CORIN: variants seen among roughly 807,000 people sequenced by gnomAD.
CORIN encodes corin, serine peptidase, also known as atrial natriuretic peptide-converting enzyme.
Under a neutral mutation model 125.3 loss-of-function variants are expected in CORIN, and 117 were observed. The ratio of observed to expected loss-of-function variants is 0.93; its 90% confidence interval spans 0.80 to 1.09. CORIN has a LOEUF of 1.09. Ranked by LOEUF, CORIN falls within the 50% of genes least tolerant of loss-of-function variation. CORIN has a pLI of 0.00. For synonymous variants in CORIN, 450 were observed against 466.4 expected, an observed-to-expected ratio of 0.96 and a Z score of 0.45; for missense variants, 1,253 against 1,306.7, an observed-to-expected ratio of 0.96 and a Z score of 0.63.
chr4:47,651,939 A>C (rs1723748558), intron 13 of CORIN, among the ~76,000 whole-genome samples: 1 of 152,134 alleles, frequency 6.6e-6, no homozygotes, highest in South Asian at 2.1e-4. Context: ...TGTATTTCTC[A>C]AATATTTAGT....
intron 16 of CORIN, among the ~76,000 whole-genome samples, chr4:47,638,966 G>T (rs976093306): frequency 1.3e-5 from 2 of 152,082 alleles, no homozygotes; most frequent in African/African-American, 4.8e-5. Context: ...GCATAATTTG[G>T]GTCTAAAACA....
intron 19 of CORIN, among the ~76,000 whole-genome samples, chr4:47,615,872 T>G (rs1390713114): frequency 6.6e-6 from 1 of 152,118 alleles, no homozygotes; most frequent in Non-Finnish European, 1.5e-5. Context: ...ATTATAGCAT[T>G]AGGATGGGAG....
intron 8 of CORIN, among the ~76,000 whole-genome samples, chr4:47,678,695 G>A (rs530664604): frequency 1.8e-4 from 27 of 152,236 alleles, no homozygotes; most frequent in African/African-American, 4.3e-4. Flanking sequence ...AATTCCTATC[G>A]GTTCTCTAAA....
At chr4:47,672,941 G>C (rs1724828658) in intron 10 of CORIN, among the ~76,000 whole-genome samples, 1 of 151,926 alleles carries the variant, frequency 6.6e-6, no homozygotes, top group Admixed American at 6.6e-5. Flanking sequence ...CAGTTATAGA[G>C]GTACTCACTA....
At chr4:47,762,021 C>T (rs1016188197) in intron 4 of CORIN, among the ~76,000 whole-genome samples, 2 of 151,898 alleles carry the variant, frequency 1.3e-5, no homozygotes, top group Middle Eastern at 3.4e-3. Flanking sequence ...TATATATACA[C>T]ATATTAATGT....
chr4:47,744,703 G>T, intron 4 of CORIN, 120 bp from the exon 5 acceptor site: 1 of 904,714 alleles, frequency 1.1e-6, no homozygotes. Context: ...ACTTACTATA[G>T]TCAGCAACTT....
chr4:47,626,346 A>G, intron 17 of CORIN, 59 bp downstream of exon 17: 2 of 1,007,992 alleles, frequency 2.0e-6, no homozygotes, highest in Non-Finnish European at 1.6e-6. Flanking sequence ...AGAAAGGCCC[A>G]ATGATAAACT....
chr4:47,821,877 G>A lies in CORIN; in HGVS notation c.64-14830C>T, dbSNP rs149302379. On this transcript the variant is annotated intron_variant, in intron 1 of 21. Transcript: ENST00000273857. ...ACTAATTTAAAAGAGTTCTATAAATGTTTAATACTTGCCTAGCTTTCATGT... is the reference window on the plus strand; with the variant it reads ...ACTAATTTAAAAGAGTTCTATAAATATTTAATACTTGCCTAGCTTTCATGT... Among the ~76,000 whole-genome samples the A allele has an allele frequency of 2.6e-4, 39 of 152,230 alleles. 2 individuals are homozygous for A. The East Asian group carries it at 4.8e-3, about 19-fold the overall frequency.
chr4:47,693,053 C>A lies in CORIN; in HGVS notation c.830G>T (p.Cys277Phe). The A allele has an allele frequency of 1.9e-6, 3 of 1,613,410 alleles. No individual in the cohort carries two copies. The highest frequency in any genetic ancestry group is 1.1e-5 in the South Asian group (1 of 91,034). The change falls in exon 6 of 22, where the codon TGT (cysteine) becomes TTT (phenylalanine). Residue 277 changes from cysteine to phenylalanine, a missense_variant. Coordinates refer to ENST00000273857, the MANE Select transcript of CORIN (RefSeq NM_006587.4). ...LLCGRGENFL[C>F]ASGICIPGKL... ...CCCGGGGATGCAGATTCCACTGGCA[C>A]ACAGAAAGTTCTCACCCCTTCCACA...
chr4:47,738,440 C>T (rs769189201), intron 5 of CORIN, among the ~76,000 whole-genome samples: 3 of 152,150 alleles, frequency 2.0e-5, no homozygotes, highest in Non-Finnish European at 4.4e-5. Flanking sequence ...CATTAGTTGA[C>T]CACTAGGCTG....
chr4:47,692,100 TTAAGATCAG>T (rs1725799835), intron 6 of CORIN, among the ~76,000 whole-genome samples: 1 of 151,694 alleles, frequency 6.6e-6, no homozygotes, highest in East Asian at 1.9e-4. Flanking sequence ...AATTTTTTGA[TTAAGATCAG>T]TATTCTCAAG....
intron 5 of CORIN, among the ~76,000 whole-genome samples, chr4:47,721,837 G>C (rs1365692938): frequency 6.6e-6 from 1 of 152,098 alleles, no homozygotes; most frequent in African/African-American, 2.4e-5. Flanking sequence ...AACACTATTA[G>C]GAAAACACCA....
intron 12 of CORIN, 109 bp downstream of exon 12, chr4:47,661,602 A>G (rs1034532672): frequency 2.8e-5 from 30 of 1,061,196 alleles, no homozygotes; most frequent in Non-Finnish European, 3.8e-5. Flanking sequence ...CTGATTGGAA[A>G]CTAAATAGAA....
chr4:47,794,064 A>G (rs1193710202), intron 2 of CORIN, among the ~76,000 whole-genome samples: 1 of 152,220 alleles, frequency 6.6e-6, no homozygotes, highest in Non-Finnish European at 1.5e-5. Context: ...TCTGCAACAG[A>G]AAGCCAGATT....
intron 5 of CORIN, among the ~76,000 whole-genome samples, chr4:47,733,022 TA>T (rs1221405972): frequency 1.3e-5 from 2 of 152,166 alleles, no homozygotes; most frequent in Non-Finnish European, 2.9e-5. Flanking sequence ...ATGAACTCTT[TA>T]AAAATATGCC....
intron 5 of CORIN, among the ~76,000 whole-genome samples, chr4:47,712,869 A>C (rs1011515924): frequency 1.3e-5 from 2 of 152,216 alleles, no homozygotes; most frequent in Admixed American, 1.3e-4. Flanking sequence ...CCAAGAATTC[A>C]GTACATGAGA....
At chr4:47,767,432 G>T (rs1729810206) in intron 3 of CORIN, among the ~76,000 whole-genome samples, 1 of 152,062 alleles carries the variant, frequency 6.6e-6, no homozygotes, top group Non-Finnish European at 1.5e-5. Context: ...GAGAAAGCTG[G>T]TATGGCTATT....
At chr4:47,727,328 T>C (rs941198182) in intron 5 of CORIN, among the ~76,000 whole-genome samples, 3 of 151,960 alleles carry the variant, frequency 2.0e-5, no homozygotes, top group African/African-American at 7.2e-5. Context: ...AGGAACACAA[T>C]TGATGCCAAA....
chr4:47,647,862 T>G, intron 13 of CORIN, among the ~76,000 whole-genome samples: 1 of 152,198 alleles, frequency 6.6e-6, no homozygotes, highest in East Asian at 1.9e-4. Context: ...CTTGGGTAAG[T>G]TACTTAACTT....
Sources: allele counts gnomAD v4.1 joint callset (sites outside exome capture counted in the v4.1 genomes callset), GRCh38; gene constraint gnomAD v4.1.1; transcripts MANE v1.5; gene names NCBI Gene and HGNC (gene_info 2026-07-23, HGNC 2026-07-21).